Variants in DKK2 observed in about 807,000 individuals in gnomAD.
DKK2 encodes the protein dickkopf Wnt signaling pathway inhibitor 2, also known as dickkopf-related protein 2.
In DKK2, 11 loss-of-function variants were observed where a neutral mutation model predicts 28.1. That is an observed-to-expected ratio of 0.39 (90% CI 0.25 to 0.65). The LOEUF (loss-of-function observed/expected upper bound fraction) is 0.65, where lower values mean the gene tolerates loss of function less well. Among genes scored for constraint, DKK2 ranks in the 30% least tolerant of loss-of-function variants. The probability of loss-of-function intolerance (pLI) is 0.47; values close to 1 mark genes in which losing one functional copy is unlikely to be tolerated. For missense variants in DKK2, 326 were observed against 335.5 expected (o/e 0.97, Z 0.22); for synonymous variants, 135 against 126.5 (o/e 1.07, Z -0.45).
At position 106,924,173 on chromosome 4, in the gene DKK2, T is replaced by C. The variant is rs1724391329; in HGVS notation, c.561A>G (p.Ser187=). The C allele has an allele frequency of 1.2e-6, 2 of 1,613,950 alleles. No homozygotes were observed. Among genetic ancestry groups the C allele is most frequent in the Non-Finnish European group, 1.7e-6 (2 of 1,179,900 alleles). ...GHEGDPCLRS[S]DCIEGFCCAR... The stretch of plus-strand genomic sequence containing the variant: ...CACAGCAAAACCCTTCAATGCAGTC[T>C]GATGATCGTAGGCAGGGGTCTCCTT... Residue 187 remains serine, a synonymous_variant, in exon 4 of 4, where the codon TCA becomes TCG. Transcript: ENST00000285311.
At chr4:106,940,854 C>G (rs1025935692) in intron 1 of DKK2, among the ~76,000 whole-genome samples, 6 of 151,938 alleles carry the variant, frequency 3.9e-5, no homozygotes, top group African/African-American at 1.2e-4. Context: ...TAAACTATCG[C>G]AAGAACAAAA....
intron 1 of DKK2, among the ~76,000 whole-genome samples, chr4:106,942,416 A>G (rs1231513261): frequency 1.3e-5 from 2 of 152,140 alleles, no homozygotes; most frequent in East Asian, 3.9e-4. Flanking sequence ...CTATTTAAAG[A>G]GTATACTCCT....
At chr4:107,033,053 A>C (rs940821778) in intron 1 of DKK2, among the ~76,000 whole-genome samples, 3 of 151,660 alleles carry the variant, frequency 2.0e-5, no homozygotes, top group Non-Finnish European at 2.9e-5. Context: ...ATATTTTACT[A>C]TTTGTTTCTT....
At chr4:106,989,630 T>C (rs1412494103) in intron 1 of DKK2, among the ~76,000 whole-genome samples, 1 of 152,216 alleles carries the variant, frequency 6.6e-6, no homozygotes, top group Non-Finnish European at 1.5e-5. Context: ...CTAATTAATA[T>C]TGCCTACTGA....
intron 1 of DKK2, among the ~76,000 whole-genome samples, chr4:106,935,545 G>A (rs1047607676): frequency 1.8e-4 from 27 of 152,326 alleles, no homozygotes; most frequent in African/African-American, 2.6e-4. Context: ...GGTGAGGGGC[G>A]CCTGCCATTG....
rs150671365 is a variant in DKK2, at chr4:106,977,301, G to A, written c.223-51352C>T. Among the ~76,000 whole-genome samples the A allele has an allele frequency of 2.3e-3, 356 of 152,254 alleles. 2 individuals carry two copies. The highest frequency in any genetic ancestry group is 8.1e-3 in the African/African-American group (337 of 41,540). On this transcript the variant is annotated intron_variant, in intron 1 of 3. Transcript: ENST00000285311. ...ATGTTGGCCTGTCTTGCTAGGTTGG[G>A]ATAGTTCTCCTGGATAACAACCTGA... is the stretch of plus-strand genomic sequence containing the variant.
chr4:106,981,348 T>G (rs1052734386), intron 1 of DKK2, among the ~76,000 whole-genome samples: 10 of 152,206 alleles, frequency 6.6e-5, no homozygotes, highest in Non-Finnish European at 4.4e-5. Context: ...ATTTTCTCCA[T>G]TCTTCAGTCT....
chr4:106,963,014 C>G (rs1172581391), intron 1 of DKK2, among the ~76,000 whole-genome samples: 5 of 151,996 alleles, frequency 3.3e-5, no homozygotes, highest in Non-Finnish European at 5.9e-5. Context: ...GAGCCAAGAT[C>G]AAGCCACTTC....
At chr4:107,034,974 G>C (rs1370617126) in intron 1 of DKK2, among the ~76,000 whole-genome samples, 5 of 152,174 alleles carry the variant, frequency 3.3e-5, no homozygotes, top group African/African-American at 1.2e-4. Context: ...TTAAATGAGT[G>C]AATATGTAAA....
intron 1 of DKK2, among the ~76,000 whole-genome samples, chr4:107,016,933 A>G (rs950200357): frequency 6.6e-6 from 1 of 151,968 alleles, no homozygotes; most frequent in African/African-American, 2.4e-5. Flanking sequence ...CAAGAGAGGC[A>G]TTTTGCCTAC....
chr4:106,956,137 T>A (rs1722586865), intron 1 of DKK2, among the ~76,000 whole-genome samples: 1 of 152,170 alleles, frequency 6.6e-6, no homozygotes, highest in African/African-American at 2.4e-5. Context: ...ATCTAAGAAC[T>A]AATATAGTCC....
intron 1 of DKK2, among the ~76,000 whole-genome samples, chr4:107,008,987 G>T (rs1309567856): frequency 6.6e-6 from 1 of 151,890 alleles, no homozygotes; most frequent in Non-Finnish European, 1.5e-5. Flanking sequence ...GATTATATTT[G>T]ATATCTTTTC....
At chr4:106,983,368 G>A (rs904131422) in intron 1 of DKK2, among the ~76,000 whole-genome samples, 1 of 92,658 alleles carries the variant, frequency 1.1e-5, no homozygotes, top group Non-Finnish European at 2.3e-5. Flanking sequence ...AAGAAAGAAA[G>A]AAGAAAGAAA....
intron 1 of DKK2, among the ~76,000 whole-genome samples, chr4:107,030,502 A>G (rs1296045662): frequency 6.6e-6 from 1 of 152,036 alleles, no homozygotes; most frequent in African/African-American, 2.4e-5. Context: ...TCAGGCAGAC[A>G]CAAATATCAC....
intron 1 of DKK2, among the ~76,000 whole-genome samples, chr4:106,968,490 C>T (rs978169016): frequency 3.3e-5 from 5 of 152,042 alleles, no homozygotes; most frequent in Admixed American, 6.6e-5. Flanking sequence ...TGTATGTGCA[C>T]GCATGTCCTT....
chr4:106,927,984 C>A (rs1252373637), intron 1 of DKK2, among the ~76,000 whole-genome samples: 2 of 152,100 alleles, frequency 1.3e-5, no homozygotes, highest in Non-Finnish European at 2.9e-5. Flanking sequence ...TTCCATCCCC[C>A]CAAAATAGTC....
At chr4:107,019,650 T>A (rs1723663404) in intron 1 of DKK2, among the ~76,000 whole-genome samples, 1 of 152,074 alleles carries the variant, frequency 6.6e-6, no homozygotes, top group African/African-American at 2.4e-5. Context: ...GACTGCATTA[T>A]CCACAGATAA....
chr4:106,979,532 C>G (rs944826842), intron 1 of DKK2, among the ~76,000 whole-genome samples: 1 of 151,498 alleles, frequency 6.6e-6, no homozygotes, highest in African/African-American at 2.4e-5. Flanking sequence ...TTTTAACTGC[C>G]GCTAAGATTT....
intron 1 of DKK2, among the ~76,000 whole-genome samples, chr4:106,967,123 A>G (rs768793225): frequency 1.3e-5 from 2 of 152,174 alleles, no homozygotes; most frequent in Non-Finnish European, 2.9e-5. Context: ...ATGAATATTG[A>G]GCACTTATCA....
Sources: gnomAD v4.1 joint callset for allele counts (sites outside exome capture counted in the v4.1 genomes callset) on GRCh38, gnomAD v4.1.1 for gene constraint, MANE v1.5 for transcripts, NCBI Gene and HGNC (gene_info 2026-07-23, HGNC 2026-07-21) for gene names.